Variants in KMT2C observed in about 807,000 individuals in gnomAD.
KMT2C encodes histone-lysine N-methyltransferase 2C.
In KMT2C, 88 loss-of-function variants were observed where a neutral mutation model predicts 507.9. The observed-to-expected ratio is 0.17, with a 90% confidence interval of 0.15 to 0.21. The LOEUF is 0.21. KMT2C is among the 10% of genes least tolerant of loss of function. KMT2C has a pLI of 1.00. For missense variants in KMT2C, 4,954 were observed against 5,957.8 expected, an observed-to-expected ratio of 0.83 and a Z score of 5.55; for synonymous variants, 2,049 against 2,080.8, an observed-to-expected ratio of 0.98 and a Z score of 0.42.
chr7:152,370,275 C>G (rs1001605712), intron 1 of KMT2C, among the ~76,000 whole-genome samples: 7 of 151,724 alleles, frequency 4.6e-5, no homozygotes, highest in African/African-American at 1.7e-4. Context: ...TGAAATGGAC[C>G]AATTCATAGG....
At chr7:152,253,514 C>CAAAAAAAAAAAAAAAAAAAAAAAAAAAAA (rs71198770) in intron 9 of KMT2C, among the ~76,000 whole-genome samples, 1 of 39,510 alleles carries the variant, frequency 2.5e-5, no homozygotes, top group African/African-American at 7.8e-5. Context: ...TCTTTCTCTA[C>CAAAAAAAAAAAAAAAAAAAAAAAAAAAAA]AAAAAAAAAA....
At chr7:152,366,773 C>G (rs1317375993) in intron 1 of KMT2C, 1 of 201,284 alleles carries the variant, frequency 5.0e-6, no homozygotes, top group Non-Finnish European at 9.9e-6. Context: ...TGTAACCAGC[C>G]GCTGAGCTGC....
At chr7:152,240,692 G>C (rs2095366789) in intron 14 of KMT2C, among the ~76,000 whole-genome samples, 1 of 152,212 alleles carries the variant, frequency 6.6e-6, no homozygotes. Context: ...CCAGTCCCTT[G>C]TCACTCTCCT....
At chr7:152,204,516 G>A (rs1393456443) in intron 25 of KMT2C, among the ~76,000 whole-genome samples, 1 of 152,008 alleles carries the variant, frequency 6.6e-6, no homozygotes, top group African/African-American at 2.4e-5. Flanking sequence ...AGAACTACCT[G>A]AGCTCAGGAG....
At chr7:152,137,331 C>T (rs1444953933) in intron 58 of KMT2C, 1 of 174,392 alleles carries the variant, frequency 5.7e-6, no homozygotes. Context: ...GAACTGCCAG[C>T]TAACTCTGTT....
chr7:152,185,422 A>T (rs1351632764), intron 34 of KMT2C, 136 bp downstream of exon 34: 2 of 607,138 alleles, frequency 3.3e-6, no homozygotes, highest in Non-Finnish European at 5.7e-6. Flanking sequence ...AAATCACTTT[A>T]AAAATAAAGT....
intron 1 of KMT2C, among the ~76,000 whole-genome samples, chr7:152,363,585 A>G (rs1360498736): frequency 6.6e-6 from 1 of 152,204 alleles, no homozygotes; most frequent in Non-Finnish European, 1.5e-5. Context: ...GGAAAGAAAC[A>G]GGGTGACCCC....
At chr7:152,281,494 G>A (rs867374890) in intron 6 of KMT2C, among the ~76,000 whole-genome samples, 5 of 152,212 alleles carry the variant, frequency 3.3e-5, no homozygotes, top group South Asian at 4.1e-4. Context: ...CACTTTGGAA[G>A]GCAGAGGTAG....
chr7:152,298,693 G>A lies in KMT2C; in HGVS notation c.849+11273C>T, dbSNP rs532017405. Among the ~76,000 whole-genome samples the A allele has an allele frequency of 1.1e-4, 16 of 152,262 alleles. No individual in the cohort carries two copies. In the South Asian group the frequency reaches 1.9e-3, roughly 18 times the overall value. On this transcript the variant is annotated intron_variant, in intron 6 of 58. Transcript: ENST00000262189. ...GTCAGATGAAAATCTGGATCAATAC[G>A]AAGGAATAAAGAGCACCACAGTGGT...
Position 152,194,566 on chromosome 7 carries a change from T to TG in KMT2C, c.4380_4381insC (p.Ile1461HisfsTer6), listed in dbSNP as rs2093906667. On this transcript the variant is annotated frameshift_variant and splice_region_variant, in exon 29 of 59. Coordinates refer to ENST00000262189, the MANE Select transcript of KMT2C (RefSeq NM_170606.3). LOFTEE classifies it high-confidence loss of function. ...GAAGGATCATCAGTGACAGGACCAA[T>TG]ATCTACAAGAGTAAGGAAAATAAAT... 1 of 1,611,706 alleles carries TG rather than the reference T, an allele frequency of 6.2e-7. No individual in the cohort carries two copies.
At position 152,199,417 on chromosome 7, in the gene KMT2C, T is replaced by C; in HGVS notation, c.4135A>G (p.Ser1379Gly). The change falls in exon 27 of 59, where the codon AGC becomes GGC. Residue 1379 changes from serine (S) to glycine (G), a missense_variant. Ser to Gly is a moderately conservative substitution (Grantham distance 56, BLOSUM62 0). Coordinates refer to ENST00000262189, the MANE Select transcript of KMT2C (RefSeq NM_170606.3). ...GKDLLDTSRQ[S>G]KISLDNLSED... Reference sequence around the variant, plus strand: ...GACAGATTATCTAAACTTATCTTGCTTTGTCTACTTGTATCTAGAAGATCT... The same window carrying C: ...GACAGATTATCTAAACTTATCTTGCCTTGTCTACTTGTATCTAGAAGATCT... The C allele has an allele frequency of 6.3e-7, 1 of 1,590,052 alleles. No homozygotes were observed. The highest frequency in any genetic ancestry group is 1.7e-4 in the Middle Eastern group (1 of 6,002).
Position 152,367,702 on chromosome 7 carries a change from G to C in KMT2C, c.162-9027C>G, listed in dbSNP as rs951218119. ...ACAATAGCTGACACCCCAGGATTTG[G>C]AGATGTAGTGGATAATAGTAATTGC... On this transcript the variant is annotated intron_variant, in intron 1 of 58. Coordinates refer to ENST00000262189, the MANE Select transcript of KMT2C (RefSeq NM_170606.3). The C allele has an allele frequency of 5.1e-5, 67 of 1,313,834 alleles. 1 individual carries two copies. The African/African-American group carries it at 5.5e-4, about 11-fold the overall frequency. 81.4% of individuals were successfully genotyped at this position (1,313,834 alleles called of 1,614,324 possible).
intron 1 of KMT2C, among the ~76,000 whole-genome samples, chr7:152,435,020 AG>A (rs1196824038): frequency 1.3e-5 from 2 of 151,326 alleles, no homozygotes; most frequent in Non-Finnish European, 2.9e-5. Flanking sequence ...GTGTTGGGGG[AG>A]GGGGGAGGAA....
In KMT2C at chr7:152,156,007, C is replaced by A. The variant is rs765425288; in HGVS notation, c.11863G>T (p.Asp3955Tyr). The A allele has an allele frequency of 6.2e-7, 1 of 1,608,060 alleles. No individual in the cohort carries two copies. The highest frequency in any genetic ancestry group is 8.5e-7 in the Non-Finnish European group (1 of 1,178,728). ...KPFQLPFRPQDDLLARALAQG... is the reference protein window; with the variant it reads ...KPFQLPFRPQYDLLARALAQG... ...GCAAGAGCTCGGGCCAACAAGTCGT[C>A]CTGGGGTCTGAAGGGCAGCTGAAAT... The change falls in exon 46 of 59, where the codon GAC becomes TAC. Residue 3955 changes from aspartate to tyrosine, a missense_variant. Transcript: ENST00000262189.
chr7:152,348,421 A>AC (rs954768957), intron 2 of KMT2C, among the ~76,000 whole-genome samples: 3 of 151,376 alleles, frequency 2.0e-5, no homozygotes, highest in African/African-American at 7.3e-5. Flanking sequence ...ACATGGTGAA[A>AC]CCCCGTATCT....
intron 1 of KMT2C, chr7:152,368,008 T>A: frequency 1.2e-6 from 1 of 851,304 alleles, no homozygotes; most frequent in Non-Finnish European, 2.0e-6. Context: ...GAACATAAAA[T>A]TAAGATATAT....
In KMT2C at chr7:152,144,687, T is replaced by C; in HGVS notation, c.14343+26A>G. The C allele has an allele frequency of 1.2e-6, 2 of 1,603,280 alleles. No homozygotes were observed. Among genetic ancestry groups the C allele is most frequent in the African/African-American group, 2.7e-5 (2 of 74,920 alleles). On this transcript the variant is annotated intron_variant, in intron 55 of 58. Transcript: ENST00000262189. This position sits in a 1 kb window ranked among gnomAD's most constrained non-coding sequence, Gnocchi z 4.4. ...GCTAGACTCCACCCTGTCTCTCCAC[T>C]TCCTGTACACAAAGTATTTCTTCAC...
At chr7:152,417,031 A>T (rs2097745138) in intron 1 of KMT2C, among the ~76,000 whole-genome samples, 1 of 144,912 alleles carries the variant, frequency 6.9e-6, no homozygotes, top group Admixed American at 7.0e-5. Context: ...CCTGGGTGAC[A>T]CAGTGAGACA....
chr7:152,250,671 T>C (rs1563584359), intron 12 of KMT2C, among the ~76,000 whole-genome samples, 182 bp downstream of exon 12: 1 of 152,230 alleles, frequency 6.6e-6, no homozygotes, highest in African/African-American at 2.4e-5. Context: ...GTCTAGATGG[T>C]AGCTGAACTA....
Sources: allele counts gnomAD v4.1 joint callset (sites outside exome capture counted in the v4.1 genomes callset), GRCh38; gene constraint gnomAD v4.1.1; non-coding constraint Gnocchi (gnomAD v3.1); transcripts MANE v1.5; gene names NCBI Gene and HGNC (gene_info 2026-07-23, HGNC 2026-07-21).